The following KDM5B variants were observed in gnomAD, a reference collection of about 807,000 sequenced individuals.
KDM5B encodes lysine-specific demethylase 5B.
In KDM5B, 144 loss-of-function variants were observed where a neutral mutation model predicts 193.4. That is an observed-to-expected ratio of 0.74 (90% CI 0.65 to 0.86). The LOEUF is 0.86. Ranked by LOEUF, KDM5B falls within the 40% of genes least tolerant of loss-of-function variation. The pLI, the probability that KDM5B is intolerant of heterozygous loss-of-function variation, is 0.00. For missense variants in KDM5B, 1,833 were observed against 1,886.9 expected, an observed-to-expected ratio of 0.97 and a Z score of 0.53; for synonymous variants, 668 against 682.6, an observed-to-expected ratio of 0.98 and a Z score of 0.33.
chr1:202,774,712 A>G lies in KDM5B; in HGVS notation c.306T>C (p.Asn102=). The part of the protein sequence containing the change: ...ELEAQTRVKL[N]FLDQIAKYWE... ...AGTACTTTGCAATCTGGTCCAAGAA[A>G]TTCAATTTTACACGAGTTTGGGCCT... The change falls in exon 3 of 27, where the codon AAT becomes AAC. Residue 102 remains asparagine (N), a synonymous_variant. Coordinates refer to ENST00000367265, the MANE Select transcript of KDM5B (RefSeq NM_006618.5). The G allele has an allele frequency of 6.2e-7, 1 of 1,613,456 alleles. No individual in the cohort carries two copies. The highest frequency in any genetic ancestry group is 8.5e-7 in the Non-Finnish European group (1 of 1,179,618).
In KDM5B at chr1:202,724,840, C is replaced by T. The variant is rs1471617040; in HGVS notation, c.*4196G>A. On this transcript the variant is annotated 3_prime_UTR_variant, in exon 27 of 27. Coordinates refer to ENST00000367265, the MANE Select transcript of KDM5B (RefSeq NM_006618.5). ...GCATGGTTTGAAACCGCACTCTTCT[C>T]CAACTTCTAGCTAGGTAAGTTTGCC... The T allele has an allele frequency of 6.6e-6, 1 of 152,134 alleles. No individual in the cohort carries two copies. The highest frequency in any genetic ancestry group is 1.5e-5 in the Non-Finnish European group (1 of 68,038). The allele number at this position is 152,134 out of a possible 1,614,324, so 9.4% of individuals were successfully genotyped here.
chr1:202,758,804 AAAT>A, intron 8 of KDM5B: 1 of 220,156 alleles, frequency 4.5e-6, no homozygotes. Flanking sequence ...CTTCAAAATC[AAAT>A]AATGTTTTCA....
intron 4 of KDM5B, among the ~76,000 whole-genome samples, chr1:202,769,016 C>T (rs1337237981): frequency 2.7e-5 from 4 of 148,508 alleles, no homozygotes; most frequent in African/African-American, 7.4e-5. Context: ...ACCCGGCCTA[C>T]GGCCTATTAT....
chr1:202,782,770 C>T (rs1657250470), intron 1 of KDM5B, among the ~76,000 whole-genome samples: 1 of 152,156 alleles, frequency 6.6e-6, no homozygotes, highest in African/African-American at 2.4e-5. Flanking sequence ...TAACATAAAA[C>T]AGCCTTTTCA....
chr1:202,730,551 G>A (rs1654846143), intron 25 of KDM5B, among the ~76,000 whole-genome samples: 1 of 152,138 alleles, frequency 6.6e-6, no homozygotes, highest in Admixed American at 6.5e-5. Context: ...AATTTGCCAT[G>A]AAAAATGAAA....
intron 14 of KDM5B, 135 bp downstream of exon 14, chr1:202,748,810 C>A: frequency 1.5e-6 from 1 of 652,376 alleles, no homozygotes; most frequent in Non-Finnish European, 2.6e-6. Context: ...CCACGAGATA[C>A]TACTATACAT....
intron 4 of KDM5B, 145 bp downstream of exon 4, chr1:202,772,973 A>G: frequency 1.7e-6 from 1 of 590,696 alleles, no homozygotes; most frequent in Non-Finnish European, 2.9e-6. Context: ...TTGGGATTAC[A>G]GGAGTGAGCC....
intron 1 of KDM5B, chr1:202,806,492 T>G (rs553494510): frequency 6.6e-6 from 1 of 152,360 alleles, no homozygotes; most frequent in African/African-American, 2.4e-5. Context: ...GTACTTCCCT[T>G]AAGCAGCAAG....
At chr1:202,799,810 T>A (rs1033764730) in intron 1 of KDM5B, among the ~76,000 whole-genome samples, 2 of 152,152 alleles carry the variant, frequency 1.3e-5, no homozygotes, top group African/African-American at 4.8e-5. Flanking sequence ...TGAAATGAAA[T>A]CAACAAGTTC....
chr1:202,779,139 T>A (rs1657088915), intron 1 of KDM5B, among the ~76,000 whole-genome samples: 1 of 152,204 alleles, frequency 6.6e-6, no homozygotes, highest in Non-Finnish European at 1.5e-5. Context: ...TATTAAATAA[T>A]AAATGTATTA....
In KDM5B at chr1:202,803,002, G is replaced by A. The variant is rs978213158; in HGVS notation, c.204+5100C>T. Among the ~76,000 whole-genome samples, 30 of 152,088 alleles carry A rather than the reference G, an allele frequency of 2.0e-4. 1 individual carries two copies. The highest frequency in any genetic ancestry group is 1.0e-3 in the Admixed American group (16 of 15,266). On this transcript the variant is annotated intron_variant, in intron 1 of 26. Transcript: ENST00000367265. ...GCGGGAGAACTGCTTGAAGCCAGGAGTTCAAGACCAGCCTGGGCAACATAC... is the reference window on the plus strand; with the variant it reads ...GCGGGAGAACTGCTTGAAGCCAGGAATTCAAGACCAGCCTGGGCAACATAC...
In KDM5B at chr1:202,748,689, T is replaced by A. The variant is rs570423400; in HGVS notation, c.2016+256A>T. On this transcript the variant is annotated intron_variant, in intron 14 of 26. Transcript: ENST00000367265. Reference sequence around the variant, plus strand: ...TTTGAGACCAGCCTGGGCAACATAGTGAGACCCTGTTTCTACAAAACATTT... The same window carrying A: ...TTTGAGACCAGCCTGGGCAACATAGAGAGACCCTGTTTCTACAAAACATTT... 3.9e-5 allele frequency among the ~76,000 whole-genome samples: 6 copies of A among 152,116 alleles called. No individual in the cohort carries two copies. In the East Asian group the frequency reaches 1.2e-3, roughly 29 times the overall value.
intron 12 of KDM5B, 74 bp from the exon 13 acceptor site, chr1:202,750,852 G>A (rs1439301174): frequency 6.9e-7 from 1 of 1,449,728 alleles, no homozygotes; most frequent in Non-Finnish European, 9.4e-7. Flanking sequence ...TCTGGACACA[G>A]TCTATTAGAT....
Position 202,724,930 on chromosome 1 carries a change from AC to A in KDM5B, c.*4105del, listed in dbSNP as rs1402697472. The A allele has an allele frequency of 1.3e-5, 2 of 152,226 alleles. No homozygotes were observed. Among genetic ancestry groups the A allele is most frequent in the Admixed American group, 6.5e-5 (1 of 15,288 alleles). 9.4% of individuals were successfully genotyped at this position (152,226 alleles called of 1,614,324 possible). On this transcript the variant is annotated 3_prime_UTR_variant, in exon 27 of 27. Coordinates refer to ENST00000367265, the MANE Select transcript of KDM5B (RefSeq NM_006618.5). The stretch of plus-strand genomic sequence containing the variant: ...ACATTTATTTTAAATAGAGAAAATA[AC>A]TTTTGTTTCCTCAGAAAGGCAACTT...
intron 1 of KDM5B, among the ~76,000 whole-genome samples, chr1:202,798,430 G>T (rs1437180684): frequency 6.6e-6 from 1 of 151,444 alleles, no homozygotes; most frequent in Non-Finnish European, 1.5e-5. Context: ...CCACTATGCT[G>T]GCTATACTCT....
At chr1:202,730,432 C>T (rs956117879) in intron 25 of KDM5B, among the ~76,000 whole-genome samples, 3 of 152,180 alleles carry the variant, frequency 2.0e-5, no homozygotes, top group Non-Finnish European at 4.4e-5. Context: ...AGGAACCACA[C>T]TAATAATCTT....
At position 202,808,127 on chromosome 1, in the gene KDM5B, C is replaced by T; in HGVS notation, c.179G>A (p.Gly60Asp). Residue 60 changes from glycine to aspartate, a missense_variant, in exon 1 of 27, where the codon GGC (glycine) becomes GAC (aspartate). Around this residue, in one of 3 missense-constraint regions of KDM5B, gnomAD observed 355 missense variants for 374.9 expected, o/e 0.95. Coordinates refer to ENST00000367265, the MANE Select transcript of KDM5B (RefSeq NM_006618.5). ...CGGCGGCGGCCGCACCTTACAGATG[C>T]CAGTCTGCTCGGCTATGGGCCGGAT... ...HKIRPIAEQT[G>D]ICKVRPPPDW... The T allele has an allele frequency of 6.2e-7, 1 of 1,612,064 alleles. No homozygotes were observed. The highest frequency in any genetic ancestry group is 8.5e-7 in the Non-Finnish European group (1 of 1,179,266).
At position 202,729,009 on chromosome 1, in the gene KDM5B, AGTAGGGGG is replaced by A; in HGVS notation, c.*19_*26del. ...TTGGTTGGAGTCCTGAATTACATTA[AGTAGGGGG>A]GTATCTGTTTTTGTGTTTTTACTTT... On this transcript the variant is annotated 3_prime_UTR_variant, in exon 27 of 27. Transcript: ENST00000367265. 4 of 1,613,744 alleles carry A rather than the reference AGTAGGGGG, an allele frequency of 2.5e-6. No individual in the cohort carries two copies. Among genetic ancestry groups the A allele is most frequent in the Non-Finnish European group, 3.4e-6 (4 of 1,179,748 alleles).
chr1:202,801,506 A>C (rs1232635600), intron 1 of KDM5B, among the ~76,000 whole-genome samples: 2 of 152,348 alleles, frequency 1.3e-5, no homozygotes, highest in Admixed American at 1.3e-4. Context: ...TTTCTTCATT[A>C]ATCTGGTTCA....
Sources: allele counts gnomAD v4.1 joint callset (sites outside exome capture counted in the v4.1 genomes callset), GRCh38; gene constraint gnomAD v4.1.1; regional missense constraint gnomAD v4.1.1; transcripts MANE v1.5; gene names NCBI Gene and HGNC (gene_info 2026-07-23, HGNC 2026-07-21).